The following TRHDE variants were observed in gnomAD, a reference collection of about 807,000 sequenced individuals.
TRHDE encodes the protein thyrotropin releasing hormone degrading enzyme.
TRHDE carries 72 observed loss-of-function variants against 125.7 expected under a neutral mutation model. That is an observed-to-expected ratio of 0.57 (90% confidence interval 0.47 to 0.70). The LOEUF (loss-of-function observed/expected upper bound fraction) is 0.70, where lower values mean the gene tolerates loss of function less well. Ranked by LOEUF, TRHDE falls within the 30% of genes least tolerant of loss-of-function variation. TRHDE has a pLI of 0.00. For missense variants in TRHDE, 1,110 were observed against 1,327.1 expected, an observed-to-expected ratio of 0.84 and a Z score of 2.54; for synonymous variants, 509 against 509.1, an observed-to-expected ratio of 1.00 and a Z score of 0.00.
At chr12:72,642,872 G>A (rs1389465949) in intron 15 of TRHDE, among the ~76,000 whole-genome samples, 1 of 152,102 alleles carries the variant, frequency 6.6e-6, no homozygotes, top group Non-Finnish European at 1.5e-5. Flanking sequence ...AAACAAATGG[G>A]CATTTTCATT....
intron 12 of TRHDE, among the ~76,000 whole-genome samples, chr12:72,615,479 A>C (rs1872779485): frequency 6.6e-6 from 1 of 152,120 alleles, no homozygotes; most frequent in African/African-American, 2.4e-5. Context: ...AGCCAATTAC[A>C]CAAACACACA....
intron 2 of TRHDE, among the ~76,000 whole-genome samples, chr12:72,364,448 G>T (rs529289307): frequency 2.0e-5 from 3 of 151,912 alleles, no homozygotes; most frequent in Non-Finnish European, 1.5e-5. Context: ...TATTTATCTG[G>T]CTATTACCTG....
At chr12:72,623,655 A>G (rs1291090845) in intron 15 of TRHDE, among the ~76,000 whole-genome samples, 4 of 152,040 alleles carry the variant, frequency 2.6e-5, no homozygotes. Context: ...CAAAGAAAGG[A>G]AACATTACTA....
At chr12:72,409,121 T>A (rs1340973337) in intron 3 of TRHDE, among the ~76,000 whole-genome samples, 3 of 152,036 alleles carry the variant, frequency 2.0e-5, no homozygotes, top group Admixed American at 2.0e-4. Flanking sequence ...CACATACAAG[T>A]TAAAATCTTA....
intron 3 of TRHDE, among the ~76,000 whole-genome samples, chr12:72,452,821 A>G (rs1875645727): frequency 6.6e-6 from 1 of 151,880 alleles, no homozygotes; most frequent in South Asian, 2.1e-4. Context: ...CTGGCCATGT[A>G]CATGCCTACT....
chr12:72,447,898 G>T (rs764066755), intron 3 of TRHDE, among the ~76,000 whole-genome samples: 12 of 151,966 alleles, frequency 7.9e-5, no homozygotes, highest in Non-Finnish European at 1.8e-4. Flanking sequence ...TTACCTGAAT[G>T]TTCAATAGCT....
chr12:72,371,158 C>T (rs1592396015), intron 2 of TRHDE, among the ~76,000 whole-genome samples: 1 of 152,038 alleles, frequency 6.6e-6, no homozygotes, highest in Non-Finnish European at 1.5e-5. Context: ...TCTGGGATAT[C>T]ATCCTCCTCT....
intron 2 of TRHDE, among the ~76,000 whole-genome samples, chr12:72,224,374 T>C (rs1878081328): frequency 6.6e-6 from 1 of 152,068 alleles, no homozygotes; most frequent in African/African-American, 2.4e-5. Context: ...GTTGTGGTGC[T>C]CCGGAATAAT....
intron 9 of TRHDE, among the ~76,000 whole-genome samples, chr12:72,567,760 A>T (rs1160959382): frequency 1.3e-5 from 2 of 152,104 alleles, no homozygotes; most frequent in African/African-American, 2.4e-5. Context: ...TATTTCAAGA[A>T]GGAAACAAAT....
intron 2 of TRHDE, among the ~76,000 whole-genome samples, chr12:72,331,301 C>T (rs939124505): frequency 8.5e-5 from 13 of 152,160 alleles, no homozygotes; most frequent in Non-Finnish European, 7.4e-5. Flanking sequence ...TTACCGGTGT[C>T]TTGTCTTTTC....
At chr12:72,249,078 A>T (rs1328644052) in intron 2 of TRHDE, among the ~76,000 whole-genome samples, 1 of 152,168 alleles carries the variant, frequency 6.6e-6, no homozygotes, top group East Asian at 1.9e-4. Flanking sequence ...AATATAAATG[A>T]TGTAACTATA....
At chr12:72,190,966 C>A (rs1877326264) in intron 2 of TRHDE, among the ~76,000 whole-genome samples, 1 of 152,188 alleles carries the variant, frequency 6.6e-6, no homozygotes. Flanking sequence ...GTTACTCATT[C>A]TGGATTTGAT....
intron 7 of TRHDE, among the ~76,000 whole-genome samples, chr12:72,543,388 G>T (rs1044026899): frequency 6.6e-6 from 1 of 151,346 alleles, no homozygotes; most frequent in African/African-American, 2.4e-5. Context: ...GTTCCAGCAG[G>T]GTTTGAAATT....
intron 2 of TRHDE, among the ~76,000 whole-genome samples, chr12:72,332,717 G>A (rs936938752): frequency 1.3e-5 from 2 of 152,168 alleles, no homozygotes; most frequent in African/African-American, 4.8e-5. Flanking sequence ...ACTGGGCTAG[G>A]CACTAGAGTG....
At chr12:72,166,721 T>C (rs1876757638) in intron 2 of TRHDE, among the ~76,000 whole-genome samples, 1 of 152,118 alleles carries the variant, frequency 6.6e-6, no homozygotes, top group Non-Finnish European at 1.5e-5. Context: ...CCAAATCCTG[T>C]ATAAAGATGA....
At chr12:72,614,744 A>G (rs541647836) in intron 12 of TRHDE, among the ~76,000 whole-genome samples, 7 of 152,242 alleles carry the variant, frequency 4.6e-5, no homozygotes, top group African/African-American at 1.4e-4. Flanking sequence ...GCCTTTAAAG[A>G]AAACTCACAG....
In TRHDE at chr12:72,333,421, C is replaced by T. The variant is rs150000144; in HGVS notation, c.1189-44574C>T. ...TTTGGAATAGGAGAGAGTAGTAATCCGGGCGAAGAGAATTGAGACCTAATT... is the reference window on the plus strand; with the variant it reads ...TTTGGAATAGGAGAGAGTAGTAATCTGGGCGAAGAGAATTGAGACCTAATT... On this transcript the variant is annotated intron_variant, in intron 2 of 18. Transcript: ENST00000261180. 1.2e-3 allele frequency among the ~76,000 whole-genome samples: 185 copies of T among 152,110 alleles called. 1 individual carries two copies. Among genetic ancestry groups the T allele is most frequent in the African/African-American group, 4.0e-3 (168 of 41,500 alleles).
In TRHDE at chr12:72,344,506, A is replaced by G. The variant is rs75265853; in HGVS notation, c.1189-33489A>G. Among the ~76,000 whole-genome samples the G allele has an allele frequency of 2.9e-3, 448 of 152,230 alleles. 1 individual carries two copies. The highest frequency in any genetic ancestry group is 5.1e-3 in the Non-Finnish European group (347 of 67,992). On this transcript the variant is annotated intron_variant, in intron 2 of 18. Coordinates refer to ENST00000261180, the MANE Select transcript of TRHDE (RefSeq NM_013381.3). ...ATGGACCAAGATTGGAATCCATAAA[A>G]TTAATTTATTCATTATTTTAAACTG...
intron 2 of TRHDE, among the ~76,000 whole-genome samples, chr12:72,202,624 C>A (rs1305129919): frequency 2.6e-5 from 4 of 152,228 alleles, no homozygotes; most frequent in African/African-American, 9.6e-5. Flanking sequence ...TATATAAACC[C>A]TCCTGGAATT....
Sources: gnomAD v4.1 joint callset for allele counts (sites outside exome capture counted in the v4.1 genomes callset) on GRCh38, gnomAD v4.1.1 for gene constraint, MANE v1.5 for transcripts, NCBI Gene and HGNC (gene_info 2026-07-23, HGNC 2026-07-21) for gene names.